The following STRIP2 variants were observed in gnomAD, a reference collection of about 807,000 sequenced individuals.
STRIP2 encodes the protein striatin interacting protein 2.
Under a neutral mutation model 107.1 loss-of-function variants are expected in STRIP2, and 84 were observed. That is an observed-to-expected ratio of 0.78 (90% CI 0.66 to 0.94). The LOEUF is 0.94. STRIP2 is among the 40% of genes least tolerant of loss of function. STRIP2 has a pLI of 0.00. For missense variants in STRIP2, 888 were observed against 1,034.2 expected (o/e 0.86, Z 1.94); for synonymous variants, 394 against 400.4 (o/e 0.98, Z 0.19).
intron 2 of STRIP2, 99 bp from the exon 3 acceptor site, chr7:129,443,925 A>G (rs1375358002): frequency 2.4e-6 from 2 of 843,950 alleles, no homozygotes; most frequent in African/African-American, 3.4e-5. Flanking sequence ...GGACACAGGA[A>G]TGTGTTGGAA....
intron 16 of STRIP2, among the ~76,000 whole-genome samples, chr7:129,466,895 G>A (rs1174883042): frequency 6.6e-6 from 1 of 152,184 alleles, no homozygotes; most frequent in Non-Finnish European, 1.5e-5. Flanking sequence ...GAGCCCAGTG[G>A]TCCATTTGGT....
At chr7:129,437,810 TG>T (rs980971950) in intron 1 of STRIP2, among the ~76,000 whole-genome samples, 82 of 148,978 alleles carry the variant, frequency 5.5e-4, no homozygotes, top group African/African-American at 1.9e-3. Flanking sequence ...TGTTTTTTTT[TG>T]TTTTTTTTTT....
intron 4 of STRIP2, 29 bp downstream of exon 4, chr7:129,451,776 G>C (rs1050648803): frequency 1.3e-6 from 2 of 1,535,220 alleles, no homozygotes; most frequent in East Asian, 2.4e-5. Context: ...TAGCTTTAGA[G>C]GGGTGGAGGC....
At chr7:129,465,737 A>G (rs2151008548) in intron 16 of STRIP2, among the ~76,000 whole-genome samples, 1 of 152,324 alleles carries the variant, frequency 6.6e-6, no homozygotes, top group South Asian at 2.1e-4. Context: ...ACTTGGTTTC[A>G]TGGGCATTGC....
chr7:129,463,973 G>A, intron 14 of STRIP2, 71 bp from the exon 15 acceptor site: 2 of 1,189,020 alleles, frequency 1.7e-6, no homozygotes, highest in Non-Finnish European at 2.5e-6. Flanking sequence ...AGGGCGGTTA[G>A]GGTGTGGAAG....
intron 4 of STRIP2, among the ~76,000 whole-genome samples, chr7:129,452,104 G>A (rs942203419): frequency 1.3e-5 from 2 of 152,146 alleles, no homozygotes; most frequent in African/African-American, 4.8e-5. Context: ...CTGTGGCCTG[G>A]CCCCAAAACT....
rs543091759 is a variant in STRIP2 at position 129,445,736 on chromosome 7, C to A, written c.274+1638C>A. Among the ~76,000 whole-genome samples the A allele has an allele frequency of 6.6e-5, 10 of 152,312 alleles. No homozygotes were observed. The South Asian group carries it at 1.7e-3, about 25-fold the overall frequency. On this transcript the variant is annotated intron_variant, in intron 3 of 20. Coordinates refer to ENST00000249344, the MANE Select transcript of STRIP2 (RefSeq NM_020704.3). The stretch of plus-strand genomic sequence containing the variant: ...CAGGATGATGGGGAACATGGTAAGA[C>A]CATGAGCATGAGCCCACTGCCACAC...
intron 13 of STRIP2, chr7:129,460,607 G>T: frequency 2.0e-6 from 1 of 511,152 alleles, no homozygotes; most frequent in Non-Finnish European, 3.5e-6. Context: ...ATTTAAACAG[G>T]ATGACATGAA....
rs1799264039 is a variant in STRIP2 at position 129,487,240 on chromosome 7, C to G, written c.*1411C>G. 1 of 152,148 alleles carries G rather than the reference C, an allele frequency of 6.6e-6. No homozygotes were observed. Among genetic ancestry groups the G allele is most frequent in the Admixed American group, 6.6e-5 (1 of 15,260 alleles). The allele number at this position is 152,148 out of a possible 1,614,324, so 9.4% of individuals were successfully genotyped here. On this transcript the variant is annotated 3_prime_UTR_variant, in exon 21 of 21. Coordinates refer to ENST00000249344, the MANE Select transcript of STRIP2 (RefSeq NM_020704.3). ...ATGTTAGCCAGGCTGACCTCAAACT[C>G]CTGACCTCAGGTGATCCGCCCGCCT...
intron 18 of STRIP2, among the ~76,000 whole-genome samples, chr7:129,479,664 A>AT (rs570783754): frequency 1.8e-4 from 28 of 151,424 alleles, no homozygotes; most frequent in Non-Finnish European, 3.2e-4. Flanking sequence ...TAATTTTTTA[A>AT]TTTTTTTAGT....
chr7:129,460,589 T>A (rs1798505631), intron 13 of STRIP2: 1 of 544,104 alleles, frequency 1.8e-6, no homozygotes, highest in African/African-American at 1.9e-5. Context: ...GTAAATACAA[T>A]GAAGAAAATT....
Position 129,482,967 on chromosome 7 carries a change from G to T in STRIP2, c.2175G>T (p.Arg725Ser). The T allele has an allele frequency of 2.5e-6, 4 of 1,614,202 alleles. No individual in the cohort carries two copies. The highest frequency in any genetic ancestry group is 3.4e-6 in the Non-Finnish European group (4 of 1,180,036). ...CCAAGTACCTGGGGCGCCAATGGAG[G>T]AAAAGCAACATGAAAACCATGTCAG... ...LQTKYLGRQW[R>S]KSNMKTMSAI... Residue 725 changes from arginine to serine, a missense_variant, in exon 20 of 21, where the codon AGG becomes AGT. Transcript: ENST00000249344.
In STRIP2 at chr7:129,464,052, G is replaced by C. The variant is rs766537649; in HGVS notation, c.1560G>C (p.Leu520=). 3 of 1,613,524 alleles carry C rather than the reference G, an allele frequency of 1.9e-6. No individual in the cohort carries two copies. Among genetic ancestry groups the C allele is most frequent in the Non-Finnish European group, 2.5e-6 (3 of 1,179,888 alleles). Residue 520 remains leucine (L), a synonymous_variant, in exon 15 of 21, where the codon CTG becomes CTC. Transcript: ENST00000249344. ...TATTTTCTACTTCTCAGATCGCTCT[G>C]CTTAAGATTCTGCTGGCTGCAGCTC... ...LYSLPQYMIA[L]LKILLAAAPT...
intron 2 of STRIP2, among the ~76,000 whole-genome samples, chr7:129,443,788 G>T (rs1797964036): frequency 6.6e-6 from 1 of 152,196 alleles, no homozygotes; most frequent in African/African-American, 2.4e-5. Flanking sequence ...AATGTTGAAG[G>T]CTGCCTTCTC....
chr7:129,455,967 A>T (rs1170150847), intron 8 of STRIP2, among the ~76,000 whole-genome samples: 1 of 152,078 alleles, frequency 6.6e-6, no homozygotes, highest in Non-Finnish European at 1.5e-5. Flanking sequence ...TGAAGTTCTT[A>T]TAAATATGTG....
intron 7 of STRIP2, 118 bp downstream of exon 7, chr7:129,454,645 A>G: frequency 1.5e-6 from 1 of 689,342 alleles, no homozygotes; most frequent in East Asian, 2.7e-5. Context: ...TTTAAAATTA[A>G]TGTCCTTTCT....
In STRIP2 at chr7:129,439,354, T is replaced by C. The variant is rs138213262; in HGVS notation, c.130-668T>C. On this transcript the variant is annotated intron_variant, in intron 1 of 20. Transcript: ENST00000249344. The stretch of plus-strand genomic sequence containing the variant: ...CAAATAGTATGTGACAGAGCTGAGA[T>C]TGAAAATTTTAAAAATTCATATGTA... Among the ~76,000 whole-genome samples the C allele has an allele frequency of 7.7e-4, 117 of 152,304 alleles. 1 individual carries two copies. Among genetic ancestry groups the C allele is most frequent in the African/African-American group, 2.6e-3 (110 of 41,552 alleles).
chr7:129,485,566 C>T lies in STRIP2; in HGVS notation c.2255-13C>T. 6.2e-7 allele frequency: 1 copy of T among 1,613,132 alleles called. No individual in the cohort carries two copies. ...GCATTGTATGTCTTCTTCTTCCTCTCTTTCCAACACAGACATCGATGCCAG... is the reference window on the plus strand; with the variant it reads ...GCATTGTATGTCTTCTTCTTCCTCTTTTTCCAACACAGACATCGATGCCAG... On this transcript the variant is annotated splice_polypyrimidine_tract_variant and intron_variant, in intron 20 of 20. Transcript: ENST00000249344.
chr7:129,452,172 G>A (rs1798211551), intron 4 of STRIP2, among the ~76,000 whole-genome samples: 1 of 152,104 alleles, frequency 6.6e-6, no homozygotes, highest in Admixed American at 6.5e-5. Flanking sequence ...GTTTCTCATT[G>A]GCATTTTGAA....
Sources: gnomAD v4.1 joint callset for allele counts (sites outside exome capture counted in the v4.1 genomes callset) on GRCh38, gnomAD v4.1.1 for gene constraint, MANE v1.5 for transcripts, NCBI Gene and HGNC (gene_info 2026-07-23, HGNC 2026-07-21) for gene names.